FAM174A: variants seen among roughly 807,000 people sequenced by gnomAD.
FAM174A encodes membrane protein FAM174A.
FAM174A carries 14 observed loss-of-function variants against 14.3 expected under a neutral mutation model. That is an observed-to-expected ratio of 0.98 (90% confidence interval 0.65 to 1.53). The LOEUF (loss-of-function observed/expected upper bound fraction) is 1.53, where lower values mean the gene tolerates loss of function less well. Ranked by LOEUF, FAM174A falls within the 40% of genes most tolerant of loss-of-function variation. FAM174A has a pLI of 0.00. For missense variants in FAM174A, 241 were observed against 249.6 expected (o/e 0.97, Z 0.23); for synonymous variants, 108 against 111.4 (o/e 0.97, Z 0.19).
In FAM174A at chr5:100,577,570, C is replaced by A. The variant is rs73774445; in HGVS notation, c.570-8611C>A. On this transcript the variant is annotated intron_variant, in intron 2 of 2. Coordinates refer to ENST00000312637, the MANE Select transcript of FAM174A (RefSeq NM_198507.3). ...AAATCCTCGTTAAGAATATCTTATT[C>A]AAACAGTTATCAATTTGAAAATACT... Among the ~76,000 whole-genome samples the A allele has an allele frequency of 7.1e-3, 1,077 of 152,112 alleles. 15 individuals are homozygous for A. Among genetic ancestry groups the A allele is most frequent in the African/African-American group, 0.024 (1,015 of 41,526 alleles).
chr5:100,577,427 G>A (rs896619846), intron 2 of FAM174A, among the ~76,000 whole-genome samples: 3 of 151,954 alleles, frequency 2.0e-5, no homozygotes, highest in African/African-American at 7.2e-5. Flanking sequence ...ATACTATTGT[G>A]TTATATGTGT....
intron 1 of FAM174A, among the ~76,000 whole-genome samples, chr5:100,556,458 G>T (rs997760770): frequency 1.3e-5 from 2 of 152,112 alleles, no homozygotes; most frequent in African/African-American, 2.4e-5. Context: ...CTTTAAAGTA[G>T]TTTTTTCCAG....
intron 2 of FAM174A, among the ~76,000 whole-genome samples, chr5:100,562,894 C>T (rs530481059): frequency 6.6e-6 from 1 of 151,738 alleles, no homozygotes; most frequent in African/African-American, 2.4e-5. Context: ...AAAAAGCCAA[C>T]AAAGATTCAA....
intron 1 of FAM174A, among the ~76,000 whole-genome samples, chr5:100,543,066 C>G (rs1385379243): frequency 6.6e-6 from 1 of 152,050 alleles, no homozygotes; most frequent in Admixed American, 6.6e-5. Context: ...TGCACTCCAC[C>G]TTTCATGACA....
chr5:100,585,246 C>T (rs1472711682), intron 2 of FAM174A, among the ~76,000 whole-genome samples: 1 of 152,138 alleles, frequency 6.6e-6, no homozygotes, highest in Non-Finnish European at 1.5e-5. Flanking sequence ...ACTTACATAT[C>T]TCTCGACTGC....
Position 100,562,251 on chromosome 5 carries a change from GAAGTA to G in FAM174A, c.569+69_569+73del, listed in dbSNP as rs1580371785. On this transcript the variant is annotated intron_variant, in intron 2 of 2. Coordinates refer to ENST00000312637, the MANE Select transcript of FAM174A (RefSeq NM_198507.3). ...GCAAGTCCTTGCCAAGTAAACTGAA[GAAGTA>G]AAGTAGACTTTCATTTAACAGCTTA... 5 of 1,430,252 alleles carry G rather than the reference GAAGTA, an allele frequency of 3.5e-6. No homozygotes were observed. The East Asian group carries it at 1.0e-4, about 29-fold the overall frequency. The allele number at this position is 1,430,252 out of a possible 1,614,324, so 88.6% of individuals were successfully genotyped here. A position where few individuals can be genotyped will look rare whatever the true frequency, so the allele number is the denominator to read the frequency against.
chr5:100,545,827 CAT>C (rs1406970885), intron 1 of FAM174A, among the ~76,000 whole-genome samples: 1 of 152,106 alleles, frequency 6.6e-6, no homozygotes, highest in East Asian at 1.9e-4. Flanking sequence ...TAATAAAACA[CAT>C]GACATAATTA....
intron 1 of FAM174A, among the ~76,000 whole-genome samples, chr5:100,543,741 T>C (rs974869504): frequency 3.3e-4 from 50 of 152,242 alleles, no homozygotes; most frequent in Middle Eastern, 6.8e-3. Context: ...CCGGCCATCA[T>C]TTTTTATTTT....
chr5:100,543,732 C>T (rs983553493), intron 1 of FAM174A, among the ~76,000 whole-genome samples: 15 of 152,056 alleles, frequency 9.9e-5, no homozygotes, highest in South Asian at 4.2e-4. Flanking sequence ...CTGGGACTAC[C>T]GGCCATCATT....
intron 1 of FAM174A, among the ~76,000 whole-genome samples, chr5:100,540,302 C>A (rs1746023199): frequency 1.3e-5 from 2 of 152,104 alleles, no homozygotes; most frequent in South Asian, 2.1e-4. Context: ...TAGTGACTGT[C>A]ACTAATTCAG....
chr5:100,553,004 T>C (rs1746294916), intron 1 of FAM174A, among the ~76,000 whole-genome samples: 1 of 152,086 alleles, frequency 6.6e-6, no homozygotes, highest in Admixed American at 6.6e-5. Context: ...CAAAATTTGT[T>C]TCTATATTTC....
intron 1 of FAM174A, among the ~76,000 whole-genome samples, chr5:100,537,861 G>A (rs911854148): frequency 6.6e-6 from 1 of 152,106 alleles, no homozygotes; most frequent in Non-Finnish European, 1.5e-5. Flanking sequence ...AATTTGGGGG[G>A]AATATTCCTT....
chr5:100,560,555 C>T (rs1190832204), intron 1 of FAM174A, among the ~76,000 whole-genome samples: 2 of 151,960 alleles, frequency 1.3e-5, no homozygotes, highest in Non-Finnish European at 2.9e-5. Flanking sequence ...CACTTAGTAA[C>T]ATTTTGTAAA....
intron 2 of FAM174A, among the ~76,000 whole-genome samples, chr5:100,582,638 A>G (rs960481598): frequency 1.3e-5 from 2 of 152,182 alleles, no homozygotes; most frequent in Non-Finnish European, 1.5e-5. Context: ...TTATATTATA[A>G]TAAACTAGTT....
intron 1 of FAM174A, among the ~76,000 whole-genome samples, chr5:100,557,316 T>C (rs1746412548): frequency 1.3e-5 from 2 of 152,180 alleles, no homozygotes; most frequent in Admixed American, 1.3e-4. Context: ...AGCTTTTTGA[T>C]GTGCTGCTGG....
In FAM174A at chr5:100,586,542, T is replaced by G. The variant is rs1373689955; in HGVS notation, c.*358T>G. 1 of 157,974 alleles carries G rather than the reference T, an allele frequency of 6.3e-6. No individual in the cohort carries two copies. The highest frequency in any genetic ancestry group is 1.4e-5 in the Non-Finnish European group (1 of 71,946). 9.8% of individuals were successfully genotyped at this position (157,974 alleles called of 1,614,324 possible). ...TTAATGCTAATTATTTTTGCTGATG[T>G]CATATGTTAAAGAGCTATAAATTCC... is the stretch of plus-strand genomic sequence containing the variant. On this transcript the variant is annotated 3_prime_UTR_variant, in exon 3 of 3. Transcript: ENST00000312637.
At chr5:100,564,887 C>A (rs1746607860) in intron 2 of FAM174A, among the ~76,000 whole-genome samples, 1 of 151,758 alleles carries the variant, frequency 6.6e-6, no homozygotes, top group African/African-American at 2.4e-5. Context: ...TAGTCAAAAC[C>A]TTCCAACAAA....
At chr5:100,539,705 T>C (rs934473604) in intron 1 of FAM174A, among the ~76,000 whole-genome samples, 11 of 152,214 alleles carry the variant, frequency 7.2e-5, no homozygotes, top group African/African-American at 2.7e-4. Context: ...AACCCAGCTC[T>C]GCTGGAACTT....
At chr5:100,576,450 A>C (rs938993954) in intron 2 of FAM174A, among the ~76,000 whole-genome samples, 2 of 152,186 alleles carry the variant, frequency 1.3e-5, no homozygotes, top group Non-Finnish European at 2.9e-5. Context: ...AGTTAGGGCC[A>C]CACTCTTTTA....
Sources: allele counts gnomAD v4.1 joint callset (sites outside exome capture counted in the v4.1 genomes callset), GRCh38; gene constraint gnomAD v4.1.1; transcripts MANE v1.5; gene names NCBI Gene and HGNC (gene_info 2026-07-23, HGNC 2026-07-21).